SOX6: variants seen among roughly 807,000 people sequenced by gnomAD.
SOX6 encodes SRY-box transcription factor 6.
SOX6 carries 11 observed loss-of-function variants against 97.8 expected under a neutral mutation model. That is an observed-to-expected ratio of 0.11 (90% CI 0.07 to 0.19). SOX6 has a LOEUF of 0.19. SOX6 is among the 10% of genes least tolerant of loss of function. SOX6 has a pLI of 1.00. For synonymous variants in SOX6, 360 were observed against 371.4 expected (o/e 0.97, Z 0.35); for missense variants, 810 against 1,039.5 (o/e 0.78, Z 3.04).
upstream of SOX6, among the ~76,000 whole-genome samples, chr11:16,477,329 G>T (rs192285759): frequency 1.1e-4 from 17 of 152,224 alleles, no homozygotes; most frequent in African/African-American, 4.1e-4. Flanking sequence ...CAGCTAACTA[G>T]ATTTAAATAA....
intron 3 of SOX6, among the ~76,000 whole-genome samples, chr11:16,286,779 A>G (rs1206342541): frequency 6.6e-6 from 1 of 152,168 alleles, no homozygotes; most frequent in East Asian, 1.9e-4. Context: ...TATCTGTTAA[A>G]TAATAGTAGC....
chr11:16,539,278 A>G (rs865822974), intron 4 of SOX6, among the ~76,000 whole-genome samples: 5 of 152,330 alleles, frequency 3.3e-5, no homozygotes, highest in African/African-American at 1.2e-4. Flanking sequence ...CAATGAGAAC[A>G]AAGACACAAC....
intron 3 of SOX6, among the ~76,000 whole-genome samples, chr11:16,278,006 A>G (rs1242485523): frequency 6.6e-6 from 1 of 152,186 alleles, no homozygotes; most frequent in African/African-American, 2.4e-5. Context: ...GTATTACAGA[A>G]AGTACTTGAT....
chr11:16,598,903 G>T (rs1181797737), intron 4 of SOX6, among the ~76,000 whole-genome samples: 1 of 151,898 alleles, frequency 6.6e-6, no homozygotes, highest in Non-Finnish European at 1.5e-5. Context: ...AGGTAGCAAG[G>T]GTGACAGATC....
intron 4 of SOX6, among the ~76,000 whole-genome samples, chr11:16,214,671 ATCTG>A (rs1175811581): frequency 6.6e-6 from 1 of 151,896 alleles, no homozygotes; most frequent in African/African-American, 2.4e-5. Context: ...TACCTAAAGT[ATCTG>A]TCTAACATAT....
intron 4 of SOX6, among the ~76,000 whole-genome samples, chr11:16,563,494 GCTC>G (rs900516346): frequency 1.1e-4 from 16 of 151,954 alleles, no homozygotes; most frequent in African/African-American, 3.9e-4. Flanking sequence ...CAATAGAAGG[GCTC>G]AATTGTAGAA....
At chr11:16,645,187 G>A (rs542219458) in intron 3 of SOX6, among the ~76,000 whole-genome samples, 10 of 151,974 alleles carry the variant, frequency 6.6e-5, no homozygotes, top group African/African-American at 2.4e-4. Flanking sequence ...TTTTTTTTCT[G>A]TATTTTATCA....
chr11:16,496,493 C>G (rs1590223284), intron 4 of SOX6, among the ~76,000 whole-genome samples: 1 of 152,170 alleles, frequency 6.6e-6, no homozygotes, highest in Non-Finnish European at 1.5e-5. Context: ...GTGCAATGCA[C>G]CGAGCATGAG....
chr11:16,525,618 C>G (rs2133165259), intron 4 of SOX6, among the ~76,000 whole-genome samples: 1 of 151,496 alleles, frequency 6.6e-6, no homozygotes, highest in Middle Eastern at 3.4e-3. Context: ...CAACAAAAGC[C>G]AAAATTGACA....
At chr11:16,553,764 C>T (rs377062152) in intron 4 of SOX6, among the ~76,000 whole-genome samples, 1 of 152,070 alleles carries the variant, frequency 6.6e-6, no homozygotes, top group African/African-American at 2.4e-5. Flanking sequence ...AATAAAATGA[C>T]AAGAAATGCA....
intron 1 of SOX6, among the ~76,000 whole-genome samples, chr11:16,342,033 A>G (rs1856652972): frequency 1.3e-5 from 2 of 152,036 alleles, no homozygotes; most frequent in African/African-American, 4.8e-5. Flanking sequence ...CGAAGCATTT[A>G]CCATGAAAAT....
chr11:16,038,693 T>G (rs1215071968), intron 12 of SOX6, among the ~76,000 whole-genome samples: 2 of 152,146 alleles, frequency 1.3e-5, no homozygotes, highest in African/African-American at 4.8e-5. Context: ...ATACTATGCT[T>G]TGTATATAGT....
At chr11:16,593,635 T>C (rs528223399) in intron 4 of SOX6, among the ~76,000 whole-genome samples, 2 of 152,348 alleles carry the variant, frequency 1.3e-5, no homozygotes, top group East Asian at 3.9e-4. Context: ...AGTGATATTT[T>C]TGTACTGTAA....
intron 1 of SOX6, among the ~76,000 whole-genome samples, chr11:16,354,378 A>G (rs1474830828): frequency 1.3e-5 from 2 of 152,058 alleles, no homozygotes; most frequent in East Asian, 3.8e-4. Context: ...CACAATAAAT[A>G]AAAATTCCAC....
intron 2 of SOX6, among the ~76,000 whole-genome samples, chr11:16,323,805 C>T (rs1032276853): frequency 6.6e-6 from 1 of 152,094 alleles, no homozygotes; most frequent in African/African-American, 2.4e-5. Flanking sequence ...GGACTTCATG[C>T]TTCTTCCATA....
chr11:16,262,158 G>A (rs1853919256), intron 3 of SOX6, among the ~76,000 whole-genome samples: 1 of 151,978 alleles, frequency 6.6e-6, no homozygotes, highest in Non-Finnish European at 1.5e-5. Flanking sequence ...TAAATTGGAG[G>A]CTAATGTTAT....
intron 13 of SOX6, among the ~76,000 whole-genome samples, chr11:15,996,101 TG>T (rs1045397415): frequency 7.9e-5 from 12 of 152,340 alleles, no homozygotes; most frequent in African/African-American, 2.9e-4. Flanking sequence ...AATTGTCTAA[TG>T]TTTTTAAAAG....
intron 3 of SOX6, among the ~76,000 whole-genome samples, chr11:16,301,434 G>A (rs1337227721): frequency 6.6e-6 from 1 of 152,112 alleles, no homozygotes; most frequent in African/African-American, 2.4e-5. Context: ...TTGTTGGTGT[G>A]CATCTGAAAT....
At chr11:16,451,991 T>TAAATAAATAAAA (rs1859727205) in intron 1 of SOX6, among the ~76,000 whole-genome samples, 1 of 147,638 alleles carries the variant, frequency 6.8e-6, no homozygotes, top group Non-Finnish European at 1.5e-5. Context: ...TAAAAATAAA[T>TAAATAAATAAAA]AAATAAATAA....
Sources: allele counts gnomAD v4.1 joint callset (sites outside exome capture counted in the v4.1 genomes callset), GRCh38; gene constraint gnomAD v4.1.1; transcripts MANE v1.5; gene names NCBI Gene and HGNC (gene_info 2026-07-23, HGNC 2026-07-21).